Variants in SH3RF3 observed in about 807,000 individuals in gnomAD.
SH3RF3 encodes E3 ubiquitin-protein ligase SH3RF3.
Under a neutral mutation model 66.3 loss-of-function variants are expected in SH3RF3, and 29 were observed. That is an observed-to-expected ratio of 0.44 (90% CI 0.33 to 0.60). The LOEUF (loss-of-function observed/expected upper bound fraction) is 0.60. Ranked by LOEUF, SH3RF3 falls within the 20% of genes least tolerant of loss-of-function variation. The pLI is 0.04. For synonymous variants in SH3RF3, 583 were observed against 532.0 expected, an observed-to-expected ratio of 1.10 and a Z score of -1.32; for missense variants, 1,194 against 1,190.9, an observed-to-expected ratio of 1.00 and a Z score of -0.04.
At chr2:109,481,671 G>A (rs1678837711) in intron 8 of SH3RF3, among the ~76,000 whole-genome samples, 1 of 152,204 alleles carries the variant, frequency 6.6e-6, no homozygotes, top group Non-Finnish European at 1.5e-5. Context: ...TGTGGATGGA[G>A]GGCTCTGCCT....
At chr2:109,144,800 C>T (rs1472227360) in intron 1 of SH3RF3, among the ~76,000 whole-genome samples, 1 of 152,238 alleles carries the variant, frequency 6.6e-6, no homozygotes, top group African/African-American at 2.4e-5. Context: ...GCCTGAGCCA[C>T]AGCAGAGCAC....
At chr2:109,446,246 G>A (rs1411087517) in intron 7 of SH3RF3, among the ~76,000 whole-genome samples, 3 of 152,158 alleles carry the variant, frequency 2.0e-5, no homozygotes, top group Non-Finnish European at 4.4e-5. Flanking sequence ...TCCATTCTGT[G>A]AAATCGGAAG....
chr2:109,276,033 A>G (rs1438464996), intron 1 of SH3RF3, among the ~76,000 whole-genome samples: 3 of 152,188 alleles, frequency 2.0e-5, no homozygotes, highest in Admixed American at 1.3e-4. Context: ...TTCATGGTTC[A>G]GTTGGCAGAG....
At chr2:109,282,731 C>T (rs1680926912) in intron 1 of SH3RF3, among the ~76,000 whole-genome samples, 1 of 152,190 alleles carries the variant, frequency 6.6e-6, no homozygotes, top group South Asian at 2.1e-4. Context: ...GGCTTTGTTT[C>T]ATAGTTTAGT....
chr2:109,305,781 A>AGC (rs1231092667), intron 1 of SH3RF3, among the ~76,000 whole-genome samples: 2 of 152,222 alleles, frequency 1.3e-5, no homozygotes, highest in African/African-American at 4.8e-5. Context: ...AGATGCCACA[A>AGC]AACTTGCTGG....
intron 9 of SH3RF3, among the ~76,000 whole-genome samples, chr2:109,498,957 G>A (rs938446013): frequency 1.1e-4 from 16 of 152,222 alleles, no homozygotes; most frequent in Non-Finnish European, 2.2e-4. Context: ...CAGAGCTGGT[G>A]GAGTGGGAAG....
At chr2:109,183,928 A>G (rs777386493) in intron 1 of SH3RF3, among the ~76,000 whole-genome samples, 1 of 152,156 alleles carries the variant, frequency 6.6e-6, no homozygotes, top group Non-Finnish European at 1.5e-5. Flanking sequence ...CCCCACACCT[A>G]CCAGTTGCAG....
At chr2:109,364,655 C>G (rs994213194) in intron 2 of SH3RF3, among the ~76,000 whole-genome samples, 2 of 152,250 alleles carry the variant, frequency 1.3e-5, no homozygotes, top group Admixed American at 1.3e-4. Context: ...AGGTCTCAGT[C>G]TTTCAGCAAG....
chr2:109,392,427 G>A (rs1049853155), intron 3 of SH3RF3, among the ~76,000 whole-genome samples: 2 of 152,144 alleles, frequency 1.3e-5, no homozygotes, highest in Admixed American at 6.5e-5. Context: ...CTGTCACCTC[G>A]TGGTGGATAT....
intron 8 of SH3RF3, among the ~76,000 whole-genome samples, chr2:109,479,680 T>A (rs764452065): frequency 2.0e-5 from 3 of 152,150 alleles, no homozygotes; most frequent in Non-Finnish European, 4.4e-5. Flanking sequence ...TCCTCATTTT[T>A]AAAAAATGAA....
At chr2:109,150,675 T>C (rs1179807028) in intron 1 of SH3RF3, among the ~76,000 whole-genome samples, 2 of 152,114 alleles carry the variant, frequency 1.3e-5, no homozygotes, top group Non-Finnish European at 1.5e-5. Flanking sequence ...GGTTCCAGTC[T>C]GGCTCTACAT....
chr2:109,401,256 A>G (rs888016429), intron 4 of SH3RF3, among the ~76,000 whole-genome samples: 1 of 152,210 alleles, frequency 6.6e-6, no homozygotes, highest in African/African-American at 2.4e-5. Context: ...GGCGATGTGA[A>G]CAGTCGAAAG....
intron 1 of SH3RF3, among the ~76,000 whole-genome samples, chr2:109,268,142 G>A (rs187654485): frequency 9.2e-5 from 14 of 152,132 alleles, no homozygotes; most frequent in Admixed American, 3.9e-4. Context: ...TCCTTTGGTC[G>A]TCACTTTTGC....
At chr2:109,223,773 TAGTCTCTGCTCCTGGCACATGAA>T (rs1201368558) in intron 1 of SH3RF3, among the ~76,000 whole-genome samples, 1 of 152,192 alleles carries the variant, frequency 6.6e-6, no homozygotes, top group Admixed American at 6.5e-5. Flanking sequence ...CCATCCCTGC[TAGTCTCTGCTCCTGGCACATGAA>T]AGTGTTCAAT....
intron 1 of SH3RF3, among the ~76,000 whole-genome samples, chr2:109,225,130 C>T (rs901984420): frequency 1.3e-5 from 2 of 152,016 alleles, no homozygotes; most frequent in Admixed American, 6.5e-5. Flanking sequence ...CCTTAAATTC[C>T]CTGGCCTCAG....
chr2:109,226,364 T>C (rs1679373843), intron 1 of SH3RF3, among the ~76,000 whole-genome samples: 1 of 152,162 alleles, frequency 6.6e-6, no homozygotes, highest in Admixed American at 6.5e-5. Flanking sequence ...CTCAGGAAGG[T>C]CAGCTGTTTC....
chr2:109,254,033 A>G (rs947472519), intron 1 of SH3RF3, among the ~76,000 whole-genome samples: 1 of 151,992 alleles, frequency 6.6e-6, no homozygotes, highest in Non-Finnish European at 1.5e-5. Flanking sequence ...CACCATTCAC[A>G]TCACATTTAT....
chr2:109,437,632 C>T (rs1677441731), intron 7 of SH3RF3, among the ~76,000 whole-genome samples: 1 of 152,268 alleles, frequency 6.6e-6, no homozygotes, highest in Non-Finnish European at 1.5e-5. Context: ...TGGGGTGAGA[C>T]TCGGGCCCAG....
In SH3RF3 at chr2:109,401,345, CA is replaced by C. The variant is rs781693404; in HGVS notation, c.1299+2403del. 3.3e-5 allele frequency among the ~76,000 whole-genome samples: 5 copies of C among 152,358 alleles called. No homozygotes were observed. In the East Asian group the frequency reaches 9.6e-4, roughly 29 times the overall value. On this transcript the variant is annotated intron_variant, in intron 4 of 9. Transcript: ENST00000309415. ...TACCCCTAAGAAGAGGACTGAGGAG[CA>C]GCGGCCTGGCCCTTGTGGACCACTT...
Sources: gnomAD v4.1 joint callset for allele counts (sites outside exome capture counted in the v4.1 genomes callset) on GRCh38, gnomAD v4.1.1 for gene constraint, MANE v1.5 for transcripts, NCBI Gene and HGNC (gene_info 2026-07-23, HGNC 2026-07-21) for gene names.